The following TADA1 variants were observed in gnomAD, a reference collection of about 807,000 sequenced individuals.
The protein encoded by TADA1 is transcriptional adaptor 1, also known as transcriptional adapter 1.
A neutral mutation model predicts 39.3 loss-of-function variants in TADA1; 23 were observed. That is an observed-to-expected ratio of 0.58 (90% CI 0.42 to 0.83). TADA1 has a LOEUF of 0.83. TADA1 is among the 40% of genes least tolerant of loss of function. TADA1 has a pLI of 0.00. For synonymous variants in TADA1, 137 were observed against 151.8 expected, an observed-to-expected ratio of 0.90 and a Z score of 0.72; for missense variants, 352 against 408.1, an observed-to-expected ratio of 0.86 and a Z score of 1.18.
At chr1:166,865,358 C>T (rs745777419) in intron 3 of TADA1, among the ~76,000 whole-genome samples, 2 of 151,052 alleles carry the variant, frequency 1.3e-5, no homozygotes, top group East Asian at 3.9e-4. Flanking sequence ...ACCAGAAGAA[C>T]AAAAAACAAA....
chr1:166,862,054 C>G (rs1477179706), intron 5 of TADA1, 149 bp downstream of exon 5: 35 of 816,762 alleles, frequency 4.3e-5, no homozygotes, highest in Non-Finnish European at 7.6e-6. Context: ...GTGATGCTGT[C>G]TCAAAAAAAA....
intron 5 of TADA1, among the ~76,000 whole-genome samples, chr1:166,861,114 A>C (rs1200377732): frequency 6.6e-6 from 1 of 152,236 alleles, no homozygotes; most frequent in African/African-American, 2.4e-5. Context: ...GGAAATAAGC[A>C]CAAAATAAAT....
At position 166,864,355 on chromosome 1, in the gene TADA1, C is replaced by T. The variant is rs117476702; in HGVS notation, c.233-434G>A. ...TAAAAAGGAAAATGAGTGGCAGACA[C>T]GATGAGATGTCAACAAATTTCTAGG... is the stretch of plus-strand genomic sequence containing the variant. On this transcript the variant is annotated intron_variant, in intron 3 of 7. Coordinates refer to ENST00000367874, the MANE Select transcript of TADA1 (RefSeq NM_053053.4). Among the ~76,000 whole-genome samples, 75 of 152,194 alleles carry T rather than the reference C, an allele frequency of 4.9e-4. 2 individuals carry two copies. The East Asian group carries it at 0.013, about 26-fold the overall frequency.
chr1:166,872,817 A>T (rs1279850916), intron 1 of TADA1, among the ~76,000 whole-genome samples: 1 of 152,216 alleles, frequency 6.6e-6, no homozygotes, highest in Non-Finnish European at 1.5e-5. Flanking sequence ...TAACTTCTTT[A>T]TAAATTACCC....
intron 3 of TADA1, chr1:166,868,960 G>C (rs1658596833): frequency 5.0e-6 from 1 of 198,682 alleles, no homozygotes. Flanking sequence ...TGTTAGAAAA[G>C]AGTAGTGCCA....
At chr1:166,869,939 G>A in intron 1 of TADA1, 85 bp from the exon 2 acceptor site, 2 of 1,152,812 alleles carry the variant, frequency 1.7e-6, no homozygotes, top group African/African-American at 1.5e-5. Context: ...AAAGAGACGG[G>A]GTTTTTTATT....
rs563399653 is a variant in TADA1 at position 166,869,737 on chromosome 1, A to AAT, written c.166+24_166+25dup. 158 of 1,590,344 alleles carry AAT rather than the reference A, an allele frequency of 9.9e-5. No individual in the cohort carries two copies. In the East Asian group the frequency reaches 3.1e-3, roughly 31 times the overall value. ...ATCTAGGAAAACTACAGAATAGTAA[A>AAT]ATAACTCTGCAGATAATTATTTTAC... is the stretch of plus-strand genomic sequence containing the variant. On this transcript the variant is annotated intron_variant, in intron 2 of 7. Transcript: ENST00000367874.
intron 3 of TADA1, among the ~76,000 whole-genome samples, chr1:166,867,534 C>A (rs1202848136): frequency 6.6e-6 from 1 of 151,752 alleles, no homozygotes; most frequent in Non-Finnish European, 1.5e-5. Flanking sequence ...TACACATTAA[C>A]AACGACTTCT....
Position 166,866,805 on chromosome 1 carries a change from C to T in TADA1, c.232+2640G>A, listed in dbSNP as rs112850817. On this transcript the variant is annotated intron_variant, in intron 3 of 7. Transcript: ENST00000367874. The stretch of plus-strand genomic sequence containing the variant: ...TGTCACCCAGGCTGGAGTGCAGTGG[C>T]GCAATCTCGGCTCACTGCAACCTTC... 1.3e-3 allele frequency among the ~76,000 whole-genome samples: 192 copies of T among 151,356 alleles called. 1 individual carries two copies. The highest frequency in any genetic ancestry group is 4.4e-3 in the African/African-American group (183 of 41,238).
chr1:166,861,371 A>G (rs1210928044), intron 5 of TADA1, among the ~76,000 whole-genome samples: 4 of 152,216 alleles, frequency 2.6e-5, no homozygotes. Flanking sequence ...AACTGTTATT[A>G]TTTTTGAAGT....
chr1:166,872,594 C>T (rs1264668142), intron 1 of TADA1, among the ~76,000 whole-genome samples: 5 of 152,138 alleles, frequency 3.3e-5, no homozygotes, highest in African/African-American at 1.2e-4. Context: ...ATCGCTTGAA[C>T]CCAGGAGGCA....
chr1:166,862,626 G>T (rs1658440434), intron 4 of TADA1: 2 of 588,458 alleles, frequency 3.4e-6, no homozygotes, highest in Non-Finnish European at 6.0e-6. Flanking sequence ...GGGAATAATG[G>T]TAGTTTGCGT....
At chr1:166,860,526 AAG>A (rs1658381950) in intron 5 of TADA1, among the ~76,000 whole-genome samples, 189 bp from the exon 6 acceptor site, 1 of 152,350 alleles carries the variant, frequency 6.6e-6, no homozygotes, top group African/African-American at 2.4e-5. Flanking sequence ...GGGTATGGGA[AAG>A]AGGGGGACAT....
At chr1:166,870,769 C>A (rs1217264080) in intron 1 of TADA1, among the ~76,000 whole-genome samples, 1 of 152,088 alleles carries the variant, frequency 6.6e-6, no homozygotes, top group Non-Finnish European at 1.5e-5. Context: ...GTCAGGGCTG[C>A]GGCGAGCCAT....
chr1:166,868,841 AC>A (rs1174863512), intron 3 of TADA1: 1 of 159,892 alleles, frequency 6.3e-6, no homozygotes, highest in Non-Finnish European at 1.4e-5. Flanking sequence ...ACACGCCCGG[AC>A]CAAGGGGTCC....
At position 166,869,500 on chromosome 1, in the gene TADA1, G is replaced by C; in HGVS notation, c.177C>G (p.His59Gln). 6.2e-7 allele frequency: 1 copy of C among 1,613,746 alleles called. No individual in the cohort carries two copies. The highest frequency in any genetic ancestry group is 8.5e-7 in the Non-Finnish European group (1 of 1,179,726). Reference protein sequence around the residue: ...RLLTQDNVHSHNDFLLAILTR... With the variant: ...RLLTQDNVHSQNDFLLAILTR... ...TGAGAATGGCCAGGAGGAAATCATT[G>C]TGAGAATGGACTGAAAAAGGAAAGA... The change falls in exon 3 of 8, where the codon CAC (histidine) becomes CAG (glutamine). Residue 59 changes from histidine (H) to glutamine (Q), a missense_variant. Physicochemically the swap from His to Gln is conservative, Grantham distance 24. This residue lies in a region of TADA1 where 36 missense variants were observed against 72.0 expected (regional missense o/e 0.50). Coordinates refer to ENST00000367874, the MANE Select transcript of TADA1 (RefSeq NM_053053.4).
At chr1:166,871,603 T>G (rs1203596612) in intron 1 of TADA1, among the ~76,000 whole-genome samples, 1 of 152,192 alleles carries the variant, frequency 6.6e-6, no homozygotes, top group Non-Finnish European at 1.5e-5. Flanking sequence ...CCCACGACAC[T>G]GCCATCTTTC....
At chr1:166,864,641 G>A (rs955925166) in intron 3 of TADA1, among the ~76,000 whole-genome samples, 1 of 152,168 alleles carries the variant, frequency 6.6e-6, no homozygotes, top group African/African-American at 2.4e-5. Context: ...CAAAATCAAA[G>A]TGCTGGGCCT....
In TADA1 at chr1:166,858,154, G is replaced by A. The variant is rs200057979; in HGVS notation, c.820C>T (p.Pro274Ser). The change falls in exon 7 of 8, where the codon CCG (proline) becomes TCG (serine). Residue 274 changes from proline (P) to serine (S), a missense_variant. Pro to Ser is a moderately conservative substitution (Grantham distance 74, BLOSUM62 -1). Around this residue, in one of 3 missense-constraint regions of TADA1, gnomAD observed 285 missense variants for 310.9 expected, o/e 0.92. Coordinates refer to ENST00000367874, the MANE Select transcript of TADA1 (RefSeq NM_053053.4). ...SGDTLPASLPPVNMYDLFEAL... is the reference protein window; with the variant it reads ...SGDTLPASLPSVNMYDLFEAL... ...TCAAAAAGATCGTACATGTTCACCG[G>A]AGGCAAAGATGCAGGTAGAGTGTCT... The A allele has an allele frequency of 1.7e-4, 280 of 1,614,168 alleles. 3 individuals are homozygous for A. In the Admixed American group the frequency reaches 3.6e-3, roughly 21 times the overall value.
Sources: gnomAD v4.1 joint callset for allele counts (sites outside exome capture counted in the v4.1 genomes callset) on GRCh38, gnomAD v4.1.1 for gene constraint, gnomAD v4.1.1 regional missense constraint, MANE v1.5 for transcripts, NCBI Gene and HGNC (gene_info 2026-07-23, HGNC 2026-07-21) for gene names.